GLP1R: variants seen among roughly 807,000 people sequenced by gnomAD.
GLP1R encodes glucagon like peptide 1 receptor.
GLP1R carries 32 observed loss-of-function variants against 68.4 expected under a neutral mutation model. The observed-to-expected ratio is 0.47, with a 90% CI of 0.35 to 0.63. The LOEUF (loss-of-function observed/expected upper bound fraction) is 0.63, where lower values mean the gene tolerates loss of function less well. GLP1R is among the 20% of genes least tolerant of loss of function. The pLI is 0.00. For missense variants in GLP1R, 502 were observed against 594.9 expected (o/e 0.84, Z 1.62); for synonymous variants, 263 against 244.4 (o/e 1.08, Z -0.71).
Position 39,057,548 on chromosome 6 carries a change from C to T in GLP1R, c.252C>T (p.Ser84=). Reference sequence around the variant, plus strand: ...AGCCAGGCTCGTTCGTGAATGTCAGCTGCCCCTGGTACCTGCCCTGGGCCA... The same window carrying T: ...AGCCAGGCTCGTTCGTGAATGTCAGTTGCCCCTGGTACCTGCCCTGGGCCA... The part of the protein sequence containing the change: ...DGEPGSFVNV[S]CPWYLPWASS... The change falls in exon 3 of 13, where the codon AGC becomes AGT. Residue 84 remains serine (S), a synonymous_variant. Coordinates refer to ENST00000373256, the MANE Select transcript of GLP1R (RefSeq NM_002062.5). 6.2e-7 allele frequency: 1 copy of T among 1,611,784 alleles called. No individual in the cohort carries two copies. Among genetic ancestry groups the T allele is most frequent in the Non-Finnish European group, 8.5e-7 (1 of 1,178,848 alleles).
Position 39,079,341 on chromosome 6 carries a change from C to A in GLP1R, c.1043+141C>A. The stretch of plus-strand genomic sequence containing the variant: ...CTTCCACCCAGGCCTGGCCTTGGAC[C>A]CCAAACCCTTGCTTTTGCCCTGTCT... On this transcript the variant is annotated intron_variant, in intron 10 of 12. Transcript: ENST00000373256. This position sits in a 1 kb window ranked among gnomAD's most constrained non-coding sequence, Gnocchi z 4.5. 1 of 818,384 alleles carries A rather than the reference C, an allele frequency of 1.2e-6. No individual in the cohort carries two copies. The highest frequency in any genetic ancestry group is 2.0e-6 in the Non-Finnish European group (1 of 504,528). 50.7% of individuals were successfully genotyped at this position (818,384 alleles called of 1,614,324 possible). A position where few individuals can be genotyped will look rare whatever the true frequency, so the allele number is the denominator to read the frequency against.
chr6:39,078,315 C>G lies in GLP1R; in HGVS notation c.824-7C>G. 5.0e-6 allele frequency: 8 copies of G among 1,608,436 alleles called. No homozygotes were observed. Among genetic ancestry groups the G allele is most frequent in the Non-Finnish European group, 6.8e-6 (8 of 1,174,840 alleles). ...CCTCTCCCCTTCTGTCTTTCCCTCT[C>G]TCTTAGGTGTTCCCCTGCTGTTTGT... On this transcript the variant is annotated splice_region_variant and splice_polypyrimidine_tract_variant and intron_variant, in intron 7 of 12. Coordinates refer to ENST00000373256, the MANE Select transcript of GLP1R (RefSeq NM_002062.5).
chr6:39,078,451 G>A (rs976915646), intron 8 of GLP1R, 69 bp downstream of exon 8: 3 of 1,070,020 alleles, frequency 2.8e-6, no homozygotes, highest in African/African-American at 3.1e-5. Flanking sequence ...GGATTCCTTG[G>A]TACCTGGGGC....
chr6:39,065,647 A>G, intron 3 of GLP1R, 64 bp from the exon 4 acceptor site: 1 of 975,866 alleles, frequency 1.0e-6, no homozygotes, highest in Admixed American at 2.1e-5. Context: ...GAAGGGGAGC[A>G]TCTAGCACTG....
intron 1 of GLP1R, 21 bp downstream of exon 1, chr6:39,048,939 C>T (rs755051538): frequency 1.8e-6 from 2 of 1,107,186 alleles, no homozygotes; most frequent in Non-Finnish European, 2.4e-6. Flanking sequence ...GGGACCCCGA[C>T]GACACCGGGG....
chr6:39,066,654 A>G (rs1007993219), intron 5 of GLP1R, among the ~76,000 whole-genome samples: 7 of 152,234 alleles, frequency 4.6e-5, no homozygotes, highest in African/African-American at 1.7e-4. Context: ...TCAAGAATTC[A>G]GTATGATTTT....
At chr6:39,064,415 A>G (rs1193173710) in intron 3 of GLP1R, among the ~76,000 whole-genome samples, 2 of 151,786 alleles carry the variant, frequency 1.3e-5, no homozygotes, top group Non-Finnish European at 2.9e-5. Context: ...CCTTCCTCCC[A>G]CAGCTGGGAA....
At chr6:39,073,533 G>A (rs1768728917) in intron 6 of GLP1R, 77 bp from the exon 7 acceptor site, 3 of 1,270,964 alleles carry the variant, frequency 2.4e-6, no homozygotes, top group Admixed American at 1.7e-5. Flanking sequence ...ATAGTGGCTG[G>A]AGCAGGACGG....
In GLP1R at chr6:39,048,914, C is replaced by A; in HGVS notation, c.74C>A (p.Pro25His). The A allele has an allele frequency of 7.2e-7, 1 of 1,384,454 alleles. No individual in the cohort carries two copies. The highest frequency in any genetic ancestry group is 9.5e-7 in the Non-Finnish European group (1 of 1,056,916). 85.8% of individuals were successfully genotyped at this position (1,384,454 alleles called of 1,614,324 possible). A position where few individuals can be genotyped will look rare whatever the true frequency, so the allele number is the denominator to read the frequency against. Residue 25 changes from proline (P) to histidine (H), a missense_variant, in exon 1 of 13, where the codon CCC becomes CAC. Transcript: ENST00000373256. ...ATGGTGGGCAGGGCCGGCCCCCGCC[C>A]CCAGGTGAGATCCAGGGACCCCGAC... is the stretch of plus-strand genomic sequence containing the variant. The part of the protein sequence containing the change: ...LGMVGRAGPR[P>H]QGATVSLWET...
Position 39,049,140 on chromosome 6 carries a change from G to A in GLP1R, c.78+222G>A, listed in dbSNP as rs913706436. Among the ~76,000 whole-genome samples the A allele has an allele frequency of 1.3e-5, 2 of 152,054 alleles. No homozygotes were observed. The highest frequency in any genetic ancestry group is 2.9e-5 in the Non-Finnish European group (2 of 67,970). The stretch of plus-strand genomic sequence containing the variant: ...ACAGAGGATTCCCCCCAACCCCAGC[G>A]AGGCGCCCTCTTCCTCGCCACCCGG... On this transcript the variant is annotated intron_variant, in intron 1 of 12. Transcript: ENST00000373256. This position sits in a 1 kb window ranked among gnomAD's most constrained non-coding sequence, Gnocchi z 4.5.
intron 5 of GLP1R, among the ~76,000 whole-genome samples, chr6:39,071,150 T>A (rs536608714): frequency 6.6e-6 from 1 of 152,022 alleles, no homozygotes; most frequent in African/African-American, 2.4e-5. Context: ...ATCGAGACCA[T>A]CCTGGCTAAC....
Position 39,079,982 on chromosome 6 carries a change from A to G in GLP1R, c.1182+280A>G, listed in dbSNP as rs1490035771. Among the ~76,000 whole-genome samples, 1 of 152,092 alleles carries G rather than the reference A, an allele frequency of 6.6e-6. No individual in the cohort carries two copies. Among genetic ancestry groups the G allele is most frequent in the Non-Finnish European group, 1.5e-5 (1 of 68,020 alleles). On this transcript the variant is annotated intron_variant, in intron 11 of 12. Transcript: ENST00000373256. This position sits in a 1 kb window ranked among gnomAD's most constrained non-coding sequence, Gnocchi z 4.5. ...AGCTGCCATCTACTTGGTGGCGAGC[A>G]CCCTGCCAGGTGCTTTACATGCATT...
At chr6:39,078,139 A>C (rs1180508749) in intron 7 of GLP1R, among the ~76,000 whole-genome samples, 183 bp from the exon 8 acceptor site, 4 of 152,116 alleles carry the variant, frequency 2.6e-5, no homozygotes, top group Non-Finnish European at 5.9e-5. Flanking sequence ...GGGGGTCCGC[A>C]TGGGGCTCCT....
At chr6:39,057,190 A>G (rs1768234479) in intron 2 of GLP1R, among the ~76,000 whole-genome samples, 1 of 152,216 alleles carries the variant, frequency 6.6e-6, no homozygotes, top group Non-Finnish European at 1.5e-5. Context: ...TCTATGTAGC[A>G]TATAGTCTTG....
rs754803836 is a variant in GLP1R, at chr6:39,078,957, C to A, written c.885C>A (p.Gly295=). The change falls in exon 9 of 13, where the codon GGC becomes GGA. Residue 295 remains glycine, a splice_region_variant and synonymous_variant. Coordinates refer to ENST00000373256, the MANE Select transcript of GLP1R (RefSeq NM_002062.5). ...TGTGTGCATCTCTCTCCCTCCCCAGCTGCTGGACCAGGAACTCCAACATGA... is the reference window on the plus strand; with the variant it reads ...TGTGTGCATCTCTCTCCCTCCCCAGATGCTGGACCAGGAACTCCAACATGA... ...GIVKYLYEDE[G]CWTRNSNMNY... The A allele has an allele frequency of 6.2e-7, 1 of 1,613,546 alleles. No homozygotes were observed. Among genetic ancestry groups the A allele is most frequent in the Non-Finnish European group, 8.5e-7 (1 of 1,179,596 alleles).
chr6:39,060,261 G>T (rs945573890), intron 3 of GLP1R, among the ~76,000 whole-genome samples: 2 of 152,218 alleles, frequency 1.3e-5, no homozygotes, highest in African/African-American at 2.4e-5. Flanking sequence ...CAAGCGAGTA[G>T]CCTGTGGAGA....
chr6:39,074,671 A>T (rs1248869668), intron 7 of GLP1R, among the ~76,000 whole-genome samples: 1 of 151,548 alleles, frequency 6.6e-6, no homozygotes, highest in Non-Finnish European at 1.5e-5. Flanking sequence ...CCTGCCACGG[A>T]CCTCCGGGGA....
At chr6:39,074,769 G>T (rs10305484) in intron 7 of GLP1R, among the ~76,000 whole-genome samples, 2 of 152,174 alleles carry the variant, frequency 1.3e-5, no homozygotes, top group Non-Finnish European at 2.9e-5. Context: ...ATGCAGGAAT[G>T]TTCAGGGAGC....
chr6:39,079,154 T>A lies in GLP1R; in HGVS notation c.997T>A (p.Ser333Thr), dbSNP rs755813574. The change falls in exon 10 of 13, where the codon TCC becomes ACC. Residue 333 changes from serine (S) to threonine (T), a missense_variant. Coordinates refer to ENST00000373256, the MANE Select transcript of GLP1R (RefSeq NM_002062.5). The surrounding 1 kb of genome is among the most constrained non-coding windows in gnomAD (Gnocchi z 4.5). ...IFVRVICIVV[S>T]KLKANLMCKT... The stretch of plus-strand genomic sequence containing the variant: ...TGTTCGGGTCATCTGCATCGTGGTA[T>A]CCAAACTGAAGGCCAATCTCATGTG... 1.2e-6 allele frequency: 2 copies of A among 1,614,074 alleles called. No homozygotes were observed. The highest frequency in any genetic ancestry group is 1.1e-5 in the South Asian group (1 of 91,080).
Sources: allele counts gnomAD v4.1 joint callset (sites outside exome capture counted in the v4.1 genomes callset), GRCh38; gene constraint gnomAD v4.1.1; non-coding constraint Gnocchi (gnomAD v3.1); transcripts MANE v1.5; gene names NCBI Gene and HGNC (gene_info 2026-07-23, HGNC 2026-07-21).